LRRN1: variants seen among roughly 807,000 people sequenced by gnomAD.
LRRN1 encodes the protein leucine rich repeat neuronal 1.
A neutral mutation model predicts 45.8 loss-of-function variants in LRRN1; 14 were observed. The observed-to-expected ratio is 0.31, with a 90% confidence interval of 0.20 to 0.48. The LOEUF (loss-of-function observed/expected upper bound fraction) is 0.48. Ranked by LOEUF, LRRN1 falls within the 20% of genes least tolerant of loss-of-function variation. LRRN1 has a pLI of 0.99. For missense variants in LRRN1, 789 were observed against 874.2 expected (o/e 0.90, Z 1.23); for synonymous variants, 359 against 330.1 (o/e 1.09, Z -0.95).
chr3:3,834,509 T>G, intron 1 of LRRN1, among the ~76,000 whole-genome samples: 1 of 100,382 alleles, frequency 1.0e-5, no homozygotes, highest in African/African-American at 3.8e-5. Flanking sequence ...AGCGTTCTCT[T>G]AGAGGGACAG....
intron 1 of LRRN1, among the ~76,000 whole-genome samples, chr3:3,806,008 G>A (rs1692743597): frequency 6.6e-6 from 1 of 152,104 alleles, no homozygotes; most frequent in Non-Finnish European, 1.5e-5. Flanking sequence ...CTGCACAGAG[G>A]ATTTCAACCA....
Position 3,815,908 on chromosome 3 carries a change from T to C in LRRN1, c.-279+15989T>C, listed in dbSNP as rs1047243743. 1.8e-3 allele frequency among the ~76,000 whole-genome samples: 5 copies of C among 2,806 alleles called. No individual in the cohort carries two copies. The Non-Finnish European group carries it at 0.025, about 14-fold the overall frequency. The allele number at this position is 2,806 out of a possible 152,430, so 1.8% of individuals were successfully genotyped here. ...ATTTTATTAAGAAATAACCCTTTCT[T>C]AGTCTAAGAGATAACTTTAATTTTG... On this transcript the variant is annotated intron_variant, in intron 1 of 1. Coordinates refer to ENST00000319331, the MANE Select transcript of LRRN1 (RefSeq NM_020873.7).
At position 3,799,504 on chromosome 3, in the gene LRRN1, T is replaced by G. The variant is rs1323397306; in HGVS notation, c.-694T>G. The G allele has an allele frequency of 6.6e-6, 1 of 151,906 alleles. No individual in the cohort carries two copies. Among genetic ancestry groups the G allele is most frequent in the African/African-American group, 2.4e-5 (1 of 41,416 alleles). 9.4% of individuals were successfully genotyped at this position (151,906 alleles called of 1,614,324 possible). ...GAGGCGAGGCCCGTGCGCCCGCGGC[T>G]GCAAGCGCCCGCCTGGCGGGGAGAG... On this transcript the variant is annotated 5_prime_UTR_variant, in exon 1 of 2. Transcript: ENST00000319331.
chr3:3,806,105 G>A (rs933447529), intron 1 of LRRN1, among the ~76,000 whole-genome samples: 1 of 152,066 alleles, frequency 6.6e-6, no homozygotes, highest in South Asian at 2.1e-4. Flanking sequence ...GTGGGATGAG[G>A]GTGTTATACC....
intron 1 of LRRN1, among the ~76,000 whole-genome samples, chr3:3,805,415 C>T (rs776489005): frequency 9.9e-5 from 15 of 152,134 alleles, no homozygotes; most frequent in Non-Finnish European, 1.9e-4. Context: ...AAGTACTGTA[C>T]AGAGAATCAG....
chr3:3,837,157 G>T (rs1314899988), intron 1 of LRRN1, among the ~76,000 whole-genome samples: 1 of 152,216 alleles, frequency 6.6e-6, no homozygotes, highest in African/African-American at 2.4e-5. Flanking sequence ...GTGCTGTGAA[G>T]ACGCTGGGGA....
intron 1 of LRRN1, among the ~76,000 whole-genome samples, chr3:3,823,301 C>A (rs1693143590): frequency 6.6e-6 from 1 of 152,034 alleles, no homozygotes; most frequent in African/African-American, 2.4e-5. Context: ...TCATCACTTT[C>A]TAGATGTGTA....
intron 1 of LRRN1, among the ~76,000 whole-genome samples, chr3:3,842,101 T>C (rs1693664666): frequency 6.6e-6 from 1 of 152,162 alleles, no homozygotes; most frequent in African/African-American, 2.4e-5. Context: ...AATGGGCAAT[T>C]GTAACACAAT....
At chr3:3,809,081 G>GA (rs1424566612) in intron 1 of LRRN1, among the ~76,000 whole-genome samples, 2 of 152,018 alleles carry the variant, frequency 1.3e-5, no homozygotes, top group African/African-American at 4.8e-5. Context: ...GATTAATTTT[G>GA]AAAAAATTAC....
intron 1 of LRRN1, among the ~76,000 whole-genome samples, chr3:3,817,416 C>T (rs1693010889): frequency 6.6e-6 from 1 of 152,190 alleles, no homozygotes; most frequent in Non-Finnish European, 1.5e-5. Flanking sequence ...TCTATCAAGT[C>T]AAAGGACAAG....
At chr3:3,821,938 G>C (rs767723549) in intron 1 of LRRN1, among the ~76,000 whole-genome samples, 12 of 152,090 alleles carry the variant, frequency 7.9e-5, no homozygotes, top group Non-Finnish European at 1.3e-4. Flanking sequence ...AGACAGAAAC[G>C]GGTTCCTCAC....
chr3:3,814,121 G>A (rs903958171), intron 1 of LRRN1, among the ~76,000 whole-genome samples: 6 of 149,736 alleles, frequency 4.0e-5, no homozygotes, highest in Non-Finnish European at 7.4e-5. Context: ...AACACCACCC[G>A]AATTCTAGCC....
chr3:3,835,857 T>C (rs183350052), intron 1 of LRRN1, among the ~76,000 whole-genome samples: 11 of 151,652 alleles, frequency 7.3e-5, no homozygotes, highest in Non-Finnish European at 1.2e-4. Flanking sequence ...CCCAAACATA[T>C]CGTGTTGGAA....
intron 1 of LRRN1, among the ~76,000 whole-genome samples, chr3:3,825,417 A>T (rs1421497850): frequency 1.3e-5 from 2 of 152,240 alleles, no homozygotes; most frequent in Non-Finnish European, 2.9e-5. Context: ...GAATCAAAAG[A>T]TCACTTGTAT....
chr3:3,822,102 C>T (rs779334078), intron 1 of LRRN1, among the ~76,000 whole-genome samples: 20 of 152,226 alleles, frequency 1.3e-4, no homozygotes, highest in Non-Finnish European at 2.5e-4. Context: ...GTACTAGTTC[C>T]AAGACCTTGG....
chr3:3,818,898 AG>A (rs1356074768), intron 1 of LRRN1, among the ~76,000 whole-genome samples: 1 of 152,194 alleles, frequency 6.6e-6, no homozygotes, highest in East Asian at 1.9e-4. Flanking sequence ...GGGGAGAAGT[AG>A]GGTAAGGAAA....
At chr3:3,834,545 T>TATATATATATATATATG (rs1303738215) in intron 1 of LRRN1, among the ~76,000 whole-genome samples, 1 of 115,482 alleles carries the variant, frequency 8.7e-6, no homozygotes, top group Non-Finnish European at 1.8e-5. Flanking sequence ...TATATATATA[T>TATATATATATATATATG]ATATATATGA....
rs2106472015 is a variant in LRRN1 at position 3,844,913 on chromosome 3, T to A, written c.272T>A (p.Leu91Gln). Reference protein sequence around the residue: ...SNNIAKTVDELQQLFNLTELD... With the variant: ...SNNIAKTVDEQQQLFNLTELD... Reference sequence around the variant, plus strand: ...AACATCGCAAAGACTGTGGATGAGCTGCAGCAGCTTTTCAACTTGACTGAA... The same window carrying A: ...AACATCGCAAAGACTGTGGATGAGCAGCAGCAGCTTTTCAACTTGACTGAA... Residue 91 changes from leucine to glutamine, a missense_variant, in exon 2 of 2, where the codon CTG becomes CAG. By Grantham distance (113) the Leu-to-Gln change is moderately radical. Coordinates refer to ENST00000319331, the MANE Select transcript of LRRN1 (RefSeq NM_020873.7). The A allele has an allele frequency of 6.2e-7, 1 of 1,614,138 alleles. No homozygotes were observed. Among genetic ancestry groups the A allele is most frequent in the South Asian group, 1.1e-5 (1 of 91,078 alleles).
At chr3:3,840,565 T>G (rs6442835) in intron 1 of LRRN1, among the ~76,000 whole-genome samples, 142,046 of 152,262 alleles carry the variant, frequency 0.93, 66,894 homozygotes, top group Non-Finnish European at 1. Context: ...CTAAAGAGAA[T>G]TCAGAATTAA....
Sources: gnomAD v4.1 joint callset for allele counts (sites outside exome capture counted in the v4.1 genomes callset) on GRCh38, gnomAD v4.1.1 for gene constraint, MANE v1.5 for transcripts, NCBI Gene and HGNC (gene_info 2026-07-23, HGNC 2026-07-21) for gene names.